Variants in NBAS observed in about 807,000 individuals in gnomAD.
NBAS encodes NAG/BC035112 fusion.
In NBAS, 219 loss-of-function variants were observed where a neutral mutation model predicts 302.5. The observed-to-expected ratio is 0.72, with a 90% CI of 0.65 to 0.81. The LOEUF is 0.81. NBAS is among the 30% of genes least tolerant of loss of function. NBAS has a pLI of 0.00. For synonymous variants in NBAS, 1,118 were observed against 1,021.6 expected (o/e 1.09, Z -1.80); for missense variants, 2,932 against 2,841.6 (o/e 1.03, Z -0.72).
chr2:14,929,877 C>G, the NBAS span, among the ~76,000 whole-genome samples: 2 of 152,068 alleles, frequency 1.3e-5, no homozygotes, highest in Non-Finnish European at 2.9e-5. Flanking sequence ...GCAGGAGGAA[C>G]CTGGTAGGAG....
chr2:14,901,977 C>T, the NBAS span, among the ~76,000 whole-genome samples: 2 of 152,170 alleles, frequency 1.3e-5, no homozygotes, highest in East Asian at 3.9e-4. Context: ...GCGATAACAG[C>T]CTCCCACCAG....
At chr2:15,091,677 C>T in the NBAS span, among the ~76,000 whole-genome samples, 3 of 151,916 alleles carry the variant, frequency 2.0e-5, no homozygotes, top group Admixed American at 2.0e-4. Context: ...GGATTACAGG[C>T]GCCTGCCACC....
At chr2:14,828,745 A>G in the NBAS span, among the ~76,000 whole-genome samples, 1 of 152,200 alleles carries the variant, frequency 6.6e-6, no homozygotes, top group East Asian at 1.9e-4. Flanking sequence ...GAATTTAACT[A>G]ACTATATGCA....
At position 15,553,487 on chromosome 2, in the gene NBAS, G is replaced by GA. The variant is rs771953172; in HGVS notation, c.288-15dup. On this transcript the variant is annotated splice_polypyrimidine_tract_variant and intron_variant, in intron 4 of 51. Coordinates refer to ENST00000281513, the MANE Select transcript of NBAS (RefSeq NM_015909.4). ...AGCTTTCCATTGCTTTTATGGAGAA[G>GA]AAAGAGGGGGAAGAAAATCTATTAT... 2.5e-6 allele frequency: 4 copies of GA among 1,603,746 alleles called. No individual in the cohort carries two copies. In the East Asian group the frequency reaches 8.9e-5, roughly 36 times the overall value.
At chr2:14,994,644 C>G in the NBAS span, among the ~76,000 whole-genome samples, 1 of 152,210 alleles carries the variant, frequency 6.6e-6, no homozygotes, top group East Asian at 1.9e-4. Flanking sequence ...GTCCACCTTC[C>G]GGGCATGCCA....
intron 19 of NBAS, among the ~76,000 whole-genome samples, chr2:15,464,926 CT>C (rs1384441276): frequency 1.3e-5 from 2 of 152,234 alleles, no homozygotes; most frequent in African/African-American, 4.8e-5. Context: ...ACATGGCACA[CT>C]GATTATCAGC....
chr2:15,190,241 G>T, intron 49 of NBAS, 23 bp downstream of exon 49: 1 of 1,612,834 alleles, frequency 6.2e-7, no homozygotes, highest in Non-Finnish European at 8.5e-7. Flanking sequence ...CTCTAATTAC[G>T]CTAATTTTAT....
the NBAS span, among the ~76,000 whole-genome samples, chr2:14,835,577 T>C: frequency 6.6e-6 from 1 of 151,984 alleles, no homozygotes; most frequent in Non-Finnish European, 1.5e-5. Context: ...AATTCTATTT[T>C]GACCCTTATA....
At chr2:15,392,582 T>C (rs1675662515) in intron 28 of NBAS, among the ~76,000 whole-genome samples, 2 of 151,944 alleles carry the variant, frequency 1.3e-5, no homozygotes, top group African/African-American at 2.4e-5. Flanking sequence ...AATGCAAGAA[T>C]AGTACACTGA....
chr2:15,550,308 T>G (rs1265526040), intron 6 of NBAS, among the ~76,000 whole-genome samples: 1 of 152,188 alleles, frequency 6.6e-6, no homozygotes, highest in Non-Finnish European at 1.5e-5. Context: ...CCTAATACTG[T>G]TTTAAGATAA....
chr2:14,841,500 CAAAAAA>C, the NBAS span, among the ~76,000 whole-genome samples: 62 of 122,062 alleles, frequency 5.1e-4, no homozygotes, highest in African/African-American at 1.5e-3. Flanking sequence ...CAACTGGAAA[CAAAAAA>C]AAAAAAAAAC....
At chr2:15,485,523 G>A (rs540127287) in intron 12 of NBAS, among the ~76,000 whole-genome samples, 1 of 152,330 alleles carries the variant, frequency 6.6e-6, no homozygotes, top group South Asian at 2.1e-4. Flanking sequence ...ATCAGTGTCA[G>A]AGAGGTATAA....
At chr2:14,847,945 T>C in the NBAS span, among the ~76,000 whole-genome samples, 2 of 152,106 alleles carry the variant, frequency 1.3e-5, no homozygotes, top group Admixed American at 6.5e-5. Context: ...CTGACCACAA[T>C]GGAATACAAC....
chr2:14,835,857 C>T, the NBAS span, among the ~76,000 whole-genome samples: 1 of 151,944 alleles, frequency 6.6e-6, no homozygotes, highest in Non-Finnish European at 1.5e-5. Context: ...TAAAAGATTG[C>T]ATAGAATCCT....
At chr2:15,293,655 A>AG (rs1227966333) in intron 40 of NBAS, among the ~76,000 whole-genome samples, 3 of 151,674 alleles carry the variant, frequency 2.0e-5, no homozygotes, top group Non-Finnish European at 4.4e-5. Flanking sequence ...ATTAGAGAAA[A>AG]AAAAAAGAAT....
At chr2:15,519,764 C>A (rs1276658966) in intron 9 of NBAS, among the ~76,000 whole-genome samples, 6 of 152,074 alleles carry the variant, frequency 3.9e-5, no homozygotes, top group Admixed American at 3.3e-4. Context: ...CATTTCTAAC[C>A]ATTTCCCCAG....
chr2:14,872,761 G>A, the NBAS span, among the ~76,000 whole-genome samples: 2 of 152,044 alleles, frequency 1.3e-5, no homozygotes, highest in African/African-American at 2.4e-5. Context: ...TAAACGTGGC[G>A]GGTCCAGAGT....
intron 21 of NBAS, among the ~76,000 whole-genome samples, chr2:15,454,057 G>A (rs539209022): frequency 7.9e-5 from 12 of 152,252 alleles, no homozygotes; most frequent in Middle Eastern, 6.8e-3. Context: ...GATTACAGGC[G>A]TGAGCCACCA....
the NBAS span, among the ~76,000 whole-genome samples, chr2:14,893,751 C>T: frequency 6.6e-6 from 1 of 152,184 alleles, no homozygotes. Context: ...TCCATCCTAG[C>T]AGTTTTTGCA....
Sources: gnomAD v4.1 joint callset for allele counts (sites outside exome capture counted in the v4.1 genomes callset) on GRCh38, gnomAD v4.1.1 for gene constraint, MANE v1.5 for transcripts, NCBI Gene and HGNC (gene_info 2026-07-23, HGNC 2026-07-21) for gene names.